KAT6A: variants seen among roughly 807,000 people sequenced by gnomAD.
The protein encoded by KAT6A is histone acetyltransferase KAT6A.
Under a neutral mutation model 198.4 loss-of-function variants are expected in KAT6A, and 9 were observed. That is an observed-to-expected ratio of 0.05 (90% confidence interval 0.03 to 0.08). KAT6A has a LOEUF of 0.08. KAT6A is among the 10% of genes least tolerant of loss of function. KAT6A has a pLI of 1.00. For missense variants in KAT6A, 2,077 were observed against 2,509.9 expected, an observed-to-expected ratio of 0.83 and a Z score of 3.69; for synonymous variants, 890 against 883.0, an observed-to-expected ratio of 1.01 and a Z score of -0.14.
rs1174962059 is a variant in KAT6A at position 42,041,745 on chromosome 8, AAAAAG to A, written c.600+6628_600+6632del. Among the ~76,000 whole-genome samples, 8 of 152,256 alleles carry A rather than the reference AAAAAG, an allele frequency of 5.3e-5. No individual in the cohort carries two copies. The East Asian group carries it at 1.2e-3, about 22-fold the overall frequency. On this transcript the variant is annotated intron_variant, in intron 2 of 16. Coordinates refer to ENST00000265713, the MANE Select transcript of KAT6A (RefSeq NM_006766.5). ...AGAGCAAGACTCCATCTCAAAAAAA[AAAAAG>A]AAAAGAAATGCATGTCATAAAAAAT...
chr8:41,960,961 T>C (rs1288735600), intron 8 of KAT6A, among the ~76,000 whole-genome samples: 1 of 152,192 alleles, frequency 6.6e-6, no homozygotes, highest in East Asian at 1.9e-4. Context: ...ATCGAAGTTA[T>C]TACCTTAATG....
chr8:42,030,008 A>C (rs1326090418), intron 2 of KAT6A, among the ~76,000 whole-genome samples: 1 of 152,034 alleles, frequency 6.6e-6, no homozygotes, highest in Non-Finnish European at 1.5e-5. Flanking sequence ...TCCAGCTGGC[A>C]TTGTGATGCT....
At chr8:42,025,697 C>T (rs1478752342) in intron 2 of KAT6A, among the ~76,000 whole-genome samples, 1 of 152,186 alleles carries the variant, frequency 6.6e-6, no homozygotes, top group African/African-American at 2.4e-5. Context: ...TTCTCCCAAT[C>T]TACAGGTTGT....
At chr8:41,969,009 T>G (rs1436763131) in intron 8 of KAT6A, among the ~76,000 whole-genome samples, 2 of 152,210 alleles carry the variant, frequency 1.3e-5, no homozygotes, top group Non-Finnish European at 2.9e-5. Context: ...ATGCAAAGTT[T>G]GATTATTCAA....
At chr8:41,964,451 T>C (rs1357247081) in intron 8 of KAT6A, among the ~76,000 whole-genome samples, 3 of 152,080 alleles carry the variant, frequency 2.0e-5, no homozygotes. Flanking sequence ...GCAGATAGTA[T>C]TAAATGTTAT....
At chr8:42,008,369 A>C (rs918443403) in intron 2 of KAT6A, among the ~76,000 whole-genome samples, 2 of 151,966 alleles carry the variant, frequency 1.3e-5, no homozygotes, top group Non-Finnish European at 2.9e-5. Context: ...ACAGGGTCTC[A>C]CTCTGTCGCC....
chr8:41,957,055 C>T (rs745400375), intron 8 of KAT6A: 5 of 592,616 alleles, frequency 8.4e-6, no homozygotes, highest in East Asian at 3.6e-5. Context: ...GCACCTGCTG[C>T]GGCACTGTCT....
chr8:41,978,924 A>C, intron 5 of KAT6A, 147 bp from the exon 6 acceptor site: 1 of 670,060 alleles, frequency 1.5e-6, no homozygotes, highest in Non-Finnish European at 2.5e-6. Context: ...ATCCAAAATA[A>C]ACATTAAAAC....
chr8:41,949,503 C>T (rs1279763899), intron 9 of KAT6A, 140 bp from the exon 10 acceptor site: 4 of 463,478 alleles, frequency 8.6e-6, no homozygotes, highest in South Asian at 7.9e-5. Flanking sequence ...AAATACTGGA[C>T]GGTAAAATGA....
intron 5 of KAT6A, 143 bp from the exon 6 acceptor site, chr8:41,978,920 A>C: frequency 1.5e-6 from 1 of 689,394 alleles, no homozygotes; most frequent in South Asian, 1.9e-5. Flanking sequence ...TCCAATCCAA[A>C]ATAAACATTA....
chr8:41,946,529 C>CACACACACACACACAA lies in KAT6A; in HGVS notation c.1996+61_1996+62insTTGTGTGTGTGTGTGT. 5 of 681,868 alleles carry CACACACACACACACAA rather than the reference C, an allele frequency of 7.3e-6. No individual in the cohort carries two copies. The African/African-American group carries it at 9.8e-5, about 13-fold the overall frequency. The allele number at this position is 681,868 out of a possible 1,614,324, so 42.2% of individuals were successfully genotyped here. ...ACACACACACACACACACACACACA[C>CACACACACACACACAA]ACACACACACACAGAGAAGGTCCAC... is the stretch of plus-strand genomic sequence containing the variant. On this transcript the variant is annotated intron_variant, in intron 12 of 16. Transcript: ENST00000265713.
At position 41,941,418 on chromosome 8, in the gene KAT6A, G is replaced by A; in HGVS notation, c.2463C>T (p.Asn821=). 6.2e-7 allele frequency: 1 copy of A among 1,601,460 alleles called. No individual in the cohort carries two copies. Among genetic ancestry groups the A allele is most frequent in the Non-Finnish European group, 8.5e-7 (1 of 1,177,414 alleles). ...CTACTGAATAAGAATCTTGTTCTTT[G>A]TTCTCATGAGACACAGACTTTCCCA... is the stretch of plus-strand genomic sequence containing the variant. ...ISVGKSVSHE[N]KEQDSYSVES... Residue 821 remains asparagine (N), a synonymous_variant, in exon 15 of 17, where the codon AAC becomes AAT. Transcript: ENST00000265713.
At chr8:41,954,654 T>A (rs941489628) in intron 9 of KAT6A, among the ~76,000 whole-genome samples, 4 of 152,148 alleles carry the variant, frequency 2.6e-5, no homozygotes, top group Admixed American at 6.5e-5. Context: ...GTCCTCAATA[T>A]CCCCACGAAG....
In KAT6A at chr8:42,032,023, G is replaced by A. The variant is rs188163135; in HGVS notation, c.600+16355C>T. ...CAGCTCACTGCAAGCTTCACCTCCC[G>A]GGTTCACGCCGTTCTCCTGCCTCAG... is the stretch of plus-strand genomic sequence containing the variant. On this transcript the variant is annotated intron_variant, in intron 2 of 16. Coordinates refer to ENST00000265713, the MANE Select transcript of KAT6A (RefSeq NM_006766.5). 3.3e-3 allele frequency among the ~76,000 whole-genome samples: 494 copies of A among 151,626 alleles called. 1 individual carries two copies. Among genetic ancestry groups the A allele is most frequent in the African/African-American group, 0.011 (465 of 41,298 alleles).
intron 1 of KAT6A, among the ~76,000 whole-genome samples, chr8:42,050,673 G>C (rs766930646): frequency 2.0e-5 from 3 of 152,152 alleles, no homozygotes; most frequent in African/African-American, 4.8e-5. Flanking sequence ...ATAGAAATCA[G>C]AGTATCATTA....
At chr8:41,980,791 TTTCACTAACATCCTCCTTTATA>T in intron 5 of KAT6A, 33 bp downstream of exon 5, 1 of 1,199,806 alleles carries the variant, frequency 8.3e-7, no homozygotes, top group Non-Finnish European at 1.2e-6. Flanking sequence ...TAAAATGTGC[TTTCACTAACATCCTCCTTTATA>T]TTCCCAGTTT....
At chr8:42,014,302 A>G (rs1826162574) in intron 2 of KAT6A, among the ~76,000 whole-genome samples, 1 of 152,208 alleles carries the variant, frequency 6.6e-6, no homozygotes, top group Admixed American at 6.5e-5. Context: ...TTTTCATACC[A>G]AACTGTTCCA....
At chr8:41,940,378 C>T (rs117978836) in intron 15 of KAT6A, among the ~76,000 whole-genome samples, 5,918 of 152,264 alleles carry the variant, frequency 0.039, 179 homozygotes, top group Non-Finnish European at 0.06. Context: ...CCAAGATGAG[C>T]TACTGTACTC....
In KAT6A at chr8:41,986,752, A is replaced by G. The variant is rs1484488236; in HGVS notation, c.709+703T>C. On this transcript the variant is annotated intron_variant, in intron 3 of 16. Transcript: ENST00000265713. ...GACGTTTCAATCAAATACAGCCCAC[A>G]TATGGCCGGGTGTGGTGGCTCACAT... Among the ~76,000 whole-genome samples the G allele has an allele frequency of 3.9e-5, 6 of 152,262 alleles. No homozygotes were observed. In the East Asian group the frequency reaches 1.2e-3, roughly 29 times the overall value.
Sources: allele counts gnomAD v4.1 joint callset (sites outside exome capture counted in the v4.1 genomes callset), GRCh38; gene constraint gnomAD v4.1.1; transcripts MANE v1.5; gene names NCBI Gene and HGNC (gene_info 2026-07-23, HGNC 2026-07-21).